TIAM2: variants seen among roughly 807,000 people sequenced by gnomAD.
The protein encoded by TIAM2 is rho guanine nucleotide exchange factor TIAM2.
In TIAM2, 80 loss-of-function variants were observed where a neutral mutation model predicts 152.9. The ratio of observed to expected loss-of-function variants is 0.52; its 90% CI spans 0.44 to 0.63. The LOEUF (loss-of-function observed/expected upper bound fraction) is 0.63, where lower values mean the gene tolerates loss of function less well. TIAM2 is among the 30% of genes least tolerant of loss of function. The pLI is 0.00. For synonymous variants in TIAM2, 804 were observed against 838.0 expected (o/e 0.96, Z 0.70); for missense variants, 1,965 against 2,120.1 (o/e 0.93, Z 1.44).
At chr6:155,179,732 A>C (rs1780850379) in intron 12 of TIAM2, among the ~76,000 whole-genome samples, 1 of 152,212 alleles carries the variant, frequency 6.6e-6, no homozygotes, top group African/African-American at 2.4e-5. Context: ...AACACAATGA[A>C]TGTACTGTGT....
intron 15 of TIAM2, among the ~76,000 whole-genome samples, chr6:155,222,667 C>T (rs1298640869): frequency 1.3e-5 from 2 of 150,390 alleles, no homozygotes; most frequent in Non-Finnish European, 3.0e-5. Context: ...CTAAGTCTTA[C>T]ACTGAGGAGC....
In TIAM2 at chr6:155,251,995, A is replaced by T; in HGVS notation, c.4111A>T (p.Lys1371Ter). The T allele has an allele frequency of 6.2e-7, 1 of 1,605,592 alleles. No individual in the cohort carries two copies. The highest frequency in any genetic ancestry group is 1.3e-5 in the African/African-American group (1 of 74,270). ...TTATAAAGAAAACTGCAAACTGAAAAAGAAATTGGTAAGGCAAAAATTCAT... is the reference window on the plus strand; with the variant it reads ...TTATAAAGAAAACTGCAAACTGAAATAGAAATTGGTAAGGCAAAAATTCAT... ...LVYKENCKLK[K>*]KLPSNSRPAH... The change falls in exon 23 of 27, where the codon AAG (lysine) becomes TAG (stop). Residue 1371 changes from lysine to a stop codon, truncating the protein, a stop_gained. Coordinates refer to ENST00000682666, the MANE Select transcript of TIAM2 (RefSeq NM_012454.4). LOFTEE classifies it high-confidence loss of function.
intron 1 of TIAM2, among the ~76,000 whole-genome samples, chr6:155,089,562 C>T (rs1778252750): frequency 6.6e-6 from 1 of 152,176 alleles, no homozygotes. Context: ...CACTTGAGTT[C>T]TGCTCCAGAA....
chr6:155,114,672 T>C (rs1263002424), intron 2 of TIAM2, among the ~76,000 whole-genome samples: 3 of 152,190 alleles, frequency 2.0e-5, no homozygotes, highest in Non-Finnish European at 4.4e-5. Context: ...CTTAGAAGTT[T>C]AGTTTTTCAT....
intron 14 of TIAM2, among the ~76,000 whole-genome samples, chr6:155,188,877 A>G (rs1781118420): frequency 6.6e-6 from 1 of 151,448 alleles, no homozygotes; most frequent in African/African-American, 2.5e-5. Flanking sequence ...AGGGGACAAA[A>G]ATAGAAAAGA....
chr6:155,005,070 G>T, intron 1 of TIAM2: 1 of 406,750 alleles, frequency 2.5e-6, no homozygotes, highest in Non-Finnish European at 4.2e-6. Context: ...TTGCACCAGA[G>T]TAGAAGGCTT....
chr6:155,024,618 A>G (rs1650602490), intron 1 of TIAM2, among the ~76,000 whole-genome samples: 1 of 150,242 alleles, frequency 6.7e-6, no homozygotes, highest in South Asian at 2.1e-4. Context: ...ATCTATATAT[A>G]GGGACACTCA....
At chr6:155,244,595 G>A (rs1299964091) in intron 17 of TIAM2, 63 bp from the exon 18 acceptor site, 1 of 1,571,676 alleles carries the variant, frequency 6.4e-7, no homozygotes, top group Non-Finnish European at 8.7e-7. Flanking sequence ...GGGCCTAAGA[G>A]TTAGCGTGGT....
chr6:155,114,036 A>ATTTTTTTTTTTTTTTTTTTTTTTTTTTT (rs869241399), intron 2 of TIAM2, among the ~76,000 whole-genome samples: 2 of 34,906 alleles, frequency 5.7e-5, no homozygotes, highest in African/African-American at 1.1e-4. Flanking sequence ...ATATATATAT[A>ATTTTTTTTTTTTTTTTTTTTTTTTTTTT]TTTTTTTTTT....
intron 14 of TIAM2, among the ~76,000 whole-genome samples, chr6:155,203,213 A>G (rs985673903): frequency 1.3e-5 from 2 of 152,202 alleles, no homozygotes; most frequent in African/African-American, 4.8e-5. Flanking sequence ...TTCTATTTAC[A>G]TAATGCTATT....
chr6:155,023,060 TC>T (rs199615026), intron 1 of TIAM2, among the ~76,000 whole-genome samples: 2,270 of 41,914 alleles, frequency 0.054, 65 homozygotes, highest in African/African-American at 0.13. Context: ...TTTTTTTTTT[TC>T]CCTTGGCAAG....
At chr6:155,243,532 A>G (rs1783157872) in intron 16 of TIAM2, among the ~76,000 whole-genome samples, 3 of 152,198 alleles carry the variant, frequency 2.0e-5, no homozygotes, top group Admixed American at 2.0e-4. Flanking sequence ...GTGAGCAATA[A>G]TCACTACTTT....
intron 5 of TIAM2, among the ~76,000 whole-genome samples, chr6:155,144,141 C>A (rs576238028): frequency 2.0e-5 from 3 of 152,192 alleles, no homozygotes; most frequent in Admixed American, 1.3e-4. Flanking sequence ...CCCTCAACAT[C>A]GTCTTTGGAG....
At chr6:155,064,104 T>G (rs1777641325) in intron 1 of TIAM2, among the ~76,000 whole-genome samples, 1 of 152,174 alleles carries the variant, frequency 6.6e-6, no homozygotes, top group Admixed American at 6.5e-5. Flanking sequence ...GATAGTTTTC[T>G]CTTGATAATT....
Position 155,016,476 on chromosome 6 carries a change from A to G in TIAM2, c.-209+20984A>G, listed in dbSNP as rs78381276. On this transcript the variant is annotated intron_variant, in intron 1 of 26. Transcript: ENST00000682666. ...GAGAGATTGGTAGTATGGGAATACT[A>G]TATTTAAATTTAAATGTAAATGGTA... is the stretch of plus-strand genomic sequence containing the variant. 1,186 of 152,180 alleles carry G rather than the reference A, an allele frequency of 7.8e-3. 16 individuals carry two copies. Among genetic ancestry groups the G allele is most frequent in the African/African-American group, 0.027 (1,108 of 41,504 alleles). 9.4% of individuals were successfully genotyped at this position (152,180 alleles called of 1,614,324 possible). A position where few individuals can be genotyped will look rare whatever the true frequency, so the allele number is the denominator to read the frequency against.
chr6:155,215,244 G>A (rs1781824779), intron 15 of TIAM2, among the ~76,000 whole-genome samples: 1 of 152,190 alleles, frequency 6.6e-6, no homozygotes. Flanking sequence ...AATGCCTATG[G>A]TAACTAAGCA....
At position 155,214,224 on chromosome 6, in the gene TIAM2, T is replaced by C. The variant is rs1301850230; in HGVS notation, c.3168+2917T>C. Among the ~76,000 whole-genome samples the C allele has an allele frequency of 6.6e-6, 1 of 152,230 alleles. No individual in the cohort carries two copies. Among genetic ancestry groups the C allele is most frequent in the Non-Finnish European group, 1.5e-5 (1 of 68,032 alleles). ...TCCATGGAACGCACAGCGCTGGCCG[T>C]GCCTCCCCCGGTGCAGCCGGCATCA... On this transcript the variant is annotated intron_variant, in intron 15 of 26. Coordinates refer to ENST00000682666, the MANE Select transcript of TIAM2 (RefSeq NM_012454.4). The surrounding 1 kb of genome is among the most constrained non-coding windows in gnomAD (Gnocchi z 5.4).
chr6:155,148,703 T>C (rs1461830619), intron 7 of TIAM2, among the ~76,000 whole-genome samples: 2 of 152,218 alleles, frequency 1.3e-5, no homozygotes, highest in Non-Finnish European at 2.9e-5. Flanking sequence ...AAGATTCTAA[T>C]ACAATAGCTT....
At chr6:155,085,784 G>A (rs886877275) in intron 1 of TIAM2, among the ~76,000 whole-genome samples, 2 of 152,250 alleles carry the variant, frequency 1.3e-5, no homozygotes, top group Admixed American at 1.3e-4. Context: ...TGGTTTTCAT[G>A]CTGATAAAAG....
Sources: allele counts gnomAD v4.1 joint callset (sites outside exome capture counted in the v4.1 genomes callset), GRCh38; gene constraint gnomAD v4.1.1; non-coding constraint Gnocchi (gnomAD v3.1); transcripts MANE v1.5; gene names NCBI Gene and HGNC (gene_info 2026-07-23, HGNC 2026-07-21).